The following PPP2R5D variants were observed in gnomAD, a reference collection of about 807,000 sequenced individuals.
PPP2R5D encodes the protein serine/threonine-protein phosphatase 2A 56 kDa regulatory subunit delta isoform.
A neutral mutation model predicts 79.1 loss-of-function variants in PPP2R5D; 12 were observed. The observed-to-expected ratio is 0.15, with a 90% confidence interval of 0.10 to 0.25. The LOEUF is 0.25. Among genes scored for constraint, PPP2R5D ranks in the 10% least tolerant of loss-of-function variants. PPP2R5D has a pLI of 1.00. For synonymous variants in PPP2R5D, 277 were observed against 286.6 expected (o/e 0.97, Z 0.34); for missense variants, 419 against 760.2 (o/e 0.55, Z 5.28).
At chr6:42,984,749 C>T (rs759193097) in intron 1 of PPP2R5D, 45 bp downstream of exon 1, 2 of 1,610,114 alleles carry the variant, frequency 1.2e-6, no homozygotes, top group Non-Finnish European at 1.7e-6. Flanking sequence ...GGAGCCTGCG[C>T]GGAGCTCTGG....
At chr6:42,985,603 TC>T (rs1770783815) in intron 1 of PPP2R5D, among the ~76,000 whole-genome samples, 1 of 151,114 alleles carries the variant, frequency 6.6e-6, no homozygotes, top group Non-Finnish European at 1.5e-5. Flanking sequence ...TTTGCATTTT[TC>T]CTTTTTTTTT....
Position 43,006,516 on chromosome 6 carries a change from GTCA to G in PPP2R5D, c.162_164del (p.Ser55del). On this transcript the variant is annotated inframe_deletion, in exon 3 of 16. Coordinates refer to ENST00000485511, the MANE Select transcript of PPP2R5D (RefSeq NM_006245.4). This position sits in a 1 kb window ranked among gnomAD's most constrained non-coding sequence, Gnocchi z 4.7. ...AGCCCCAAGCCCAGTCTCAGCCACC[GTCA>G]TCCAACAAGCGTCCCAGCAATAGCA... 6.2e-7 allele frequency: 1 copy of G among 1,610,394 alleles called. No individual in the cohort carries two copies. Among genetic ancestry groups the G allele is most frequent in the Non-Finnish European group, 8.5e-7 (1 of 1,178,306 alleles).
chr6:42,991,404 C>T (rs908617357), intron 2 of PPP2R5D, among the ~76,000 whole-genome samples: 12 of 152,314 alleles, frequency 7.9e-5, no homozygotes, highest in African/African-American at 2.6e-4. Flanking sequence ...GATGGGATGT[C>T]GTTTCCTTAA....
intron 2 of PPP2R5D, among the ~76,000 whole-genome samples, chr6:42,995,126 CTTTTTTTTTT>C (rs889250251): frequency 4.7e-5 from 5 of 106,366 alleles, no homozygotes; most frequent in Non-Finnish European, 9.1e-5. Context: ...CTTTTTCTTT[CTTTTTTTTTT>C]TTTTTTTTTT....
chr6:43,000,563 C>G (rs114601429), intron 2 of PPP2R5D, among the ~76,000 whole-genome samples: 1 of 152,106 alleles, frequency 6.6e-6, no homozygotes, highest in Non-Finnish European at 1.5e-5. Context: ...TAGCAGAAAA[C>G]ATTGAGGCCT....
intron 2 of PPP2R5D, among the ~76,000 whole-genome samples, chr6:42,992,670 A>C (rs1771351108): frequency 6.6e-6 from 1 of 152,110 alleles, no homozygotes. Context: ...AAAAATAAAA[A>C]ATTAGCTGGA....
chr6:42,990,854 C>T (rs901539395), intron 2 of PPP2R5D, among the ~76,000 whole-genome samples: 13 of 151,834 alleles, frequency 8.6e-5, no homozygotes, highest in African/African-American at 2.7e-4. Flanking sequence ...GGATTACAGG[C>T]GCATGCCACC....
intron 2 of PPP2R5D, among the ~76,000 whole-genome samples, chr6:42,991,367 G>C (rs983301526): frequency 6.6e-6 from 1 of 152,138 alleles, no homozygotes; most frequent in Non-Finnish European, 1.5e-5. Flanking sequence ...CCCACCTTTT[G>C]CCTAACTCCT....
chr6:43,006,974 T>C lies in PPP2R5D; in HGVS notation c.386T>C (p.Phe129Ser). The change falls in exon 4 of 16, where the codon TTT (phenylalanine) becomes TCT (serine). Residue 129 changes from phenylalanine to serine, a missense_variant. Coordinates refer to ENST00000485511, the MANE Select transcript of PPP2R5D (RefSeq NM_006245.4). This position sits in a 1 kb window ranked among gnomAD's most constrained non-coding sequence, Gnocchi z 4.7. ...AAGCTACGCCAGTGCTGTGTCCTCT[T>C]TGACTTCGTGTCAGACCCACTCAGT... ...IQKLRQCCVL[F>S]DFVSDPLSDL... is the part of the protein sequence containing the mutation. The C allele has an allele frequency of 6.2e-7, 1 of 1,614,084 alleles. No individual in the cohort carries two copies. Among genetic ancestry groups the C allele is most frequent in the Non-Finnish European group, 8.5e-7 (1 of 1,180,000 alleles).
intron 2 of PPP2R5D, among the ~76,000 whole-genome samples, chr6:42,990,893 G>T (rs373593782): frequency 2.6e-5 from 4 of 151,532 alleles, no homozygotes; most frequent in African/African-American, 9.7e-5. Flanking sequence ...TGTATTTTTA[G>T]TAGAGACGGT....
chr6:43,000,936 A>G (rs923904149), intron 2 of PPP2R5D, among the ~76,000 whole-genome samples: 3 of 152,208 alleles, frequency 2.0e-5, no homozygotes, highest in Non-Finnish European at 2.9e-5. Flanking sequence ...CTGGCTTTCA[A>G]AGGACTTGCC....
rs757023571 is a variant in PPP2R5D, at chr6:43,011,145, A to T, written c.1672-4A>T. 2.5e-6 allele frequency: 4 copies of T among 1,614,016 alleles called. No homozygotes were observed. The East Asian group carries it at 8.9e-5, about 36-fold the overall frequency. ...TTCCTCACCTTGTCCCTATTCACAC[A>T]CAGATGCTAAAAGACATCAAGAAGG... On this transcript the variant is annotated splice_polypyrimidine_tract_variant and splice_region_variant and intron_variant, in intron 15 of 15. Coordinates refer to ENST00000485511, the MANE Select transcript of PPP2R5D (RefSeq NM_006245.4).
chr6:42,992,099 GC>G (rs10715862), intron 2 of PPP2R5D, among the ~76,000 whole-genome samples: 4,852 of 151,986 alleles, frequency 0.032, 262 homozygotes, highest in African/African-American at 0.11. Flanking sequence ...TTGCTCTGTC[GC>G]CCAGGCTGGA....
chr6:42,985,700 G>T (rs1479867803), intron 1 of PPP2R5D, among the ~76,000 whole-genome samples: 2 of 146,822 alleles, frequency 1.4e-5, no homozygotes, highest in Non-Finnish European at 3.0e-5. Context: ...TCAGATTATT[G>T]TTCCTTCTTA....
chr6:43,000,727 C>T (rs1402257030), intron 2 of PPP2R5D, among the ~76,000 whole-genome samples: 2 of 152,206 alleles, frequency 1.3e-5, no homozygotes, highest in East Asian at 1.9e-4. Flanking sequence ...TGATGTTTCT[C>T]CTTCAGACTC....
Position 43,007,289 on chromosome 6 carries a change from G to C in PPP2R5D, c.616G>C (p.Ala206Pro). 1 of 1,614,204 alleles carries C rather than the reference G, an allele frequency of 6.2e-7. No homozygotes were observed. The highest frequency in any genetic ancestry group is 8.5e-7 in the Non-Finnish European group (1 of 1,180,026). ...PEEDEPTLEA[A>P]WPHLQLVYEF... ...GGAAGATGAGCCCACCCTGGAAGCT[G>C]CTTGGCCACATCTCCAGGTACCAGG... The change falls in exon 5 of 16, where the codon GCT becomes CCT. Residue 206 changes from alanine (A) to proline (P), a missense_variant. Around this residue, in one of 5 missense-constraint regions of PPP2R5D, gnomAD observed 196 missense variants for 424.5 expected, o/e 0.46. Transcript: ENST00000485511. The surrounding 1 kb of genome is among the most constrained non-coding windows in gnomAD (Gnocchi z 4.5).
In PPP2R5D at chr6:43,006,803, C is replaced by G; in HGVS notation, c.323-108C>G. 3 of 1,571,716 alleles carry G rather than the reference C, an allele frequency of 1.9e-6. No individual in the cohort carries two copies. The highest frequency in any genetic ancestry group is 2.6e-6 in the Non-Finnish European group (3 of 1,151,454). Reference sequence around the variant, plus strand: ...TCCAGAGAATGCGGGAAGGGGGTGCCAGGGAGCAGGATGGTGGCAGGGTGG... The same window carrying G: ...TCCAGAGAATGCGGGAAGGGGGTGCGAGGGAGCAGGATGGTGGCAGGGTGG... On this transcript the variant is annotated intron_variant, in intron 3 of 15. Transcript: ENST00000485511. This position sits in a 1 kb window ranked among gnomAD's most constrained non-coding sequence, Gnocchi z 4.7.
At chr6:42,985,958 G>A (rs886203419) in intron 1 of PPP2R5D, among the ~76,000 whole-genome samples, 1 of 152,026 alleles carries the variant, frequency 6.6e-6, no homozygotes, top group Non-Finnish European at 1.5e-5. Context: ...TGTATTTTTA[G>A]TAGAGACGGG....
Position 43,011,572 on chromosome 6 carries a change from T to C in PPP2R5D, c.*286T>C. 1 of 491,998 alleles carries C rather than the reference T, an allele frequency of 2.0e-6. No homozygotes were observed. Among genetic ancestry groups the C allele is most frequent in the East Asian group, 3.7e-5 (1 of 27,208 alleles). The allele number at this position is 491,998 out of a possible 1,614,324, so 30.5% of individuals were successfully genotyped here. ...CCCCTACCTGCTCCTCACCCACAGC[T>C]ACCTGAGGCTGCTCTGAGAAGTACA... On this transcript the variant is annotated 3_prime_UTR_variant, in exon 16 of 16. Coordinates refer to ENST00000485511, the MANE Select transcript of PPP2R5D (RefSeq NM_006245.4).
Sources: allele counts gnomAD v4.1 joint callset (sites outside exome capture counted in the v4.1 genomes callset), GRCh38; gene constraint gnomAD v4.1.1; regional missense constraint gnomAD v4.1.1; non-coding constraint Gnocchi (gnomAD v3.1); transcripts MANE v1.5; gene names NCBI Gene and HGNC (gene_info 2026-07-23, HGNC 2026-07-21).